Variants in MYH2 observed in about 807,000 individuals in gnomAD.
MYH2 encodes myosin heavy chain 2, also known as myosin-2.
Under a neutral mutation model 228.1 loss-of-function variants are expected in MYH2, and 139 were observed. The observed-to-expected ratio is 0.61, with a 90% CI of 0.53 to 0.70. The LOEUF (loss-of-function observed/expected upper bound fraction) is 0.70, where lower values mean the gene tolerates loss of function less well. Ranked by LOEUF, MYH2 falls within the 30% of genes least tolerant of loss-of-function variation. The pLI, the probability that MYH2 is intolerant of heterozygous loss-of-function variation, is 0.00. For missense variants in MYH2, 1,809 were observed against 2,357.5 expected (o/e 0.77, Z 4.82); for synonymous variants, 796 against 871.1 (o/e 0.91, Z 1.52).
Position 10,540,586 on chromosome 17 carries a change from C to T in MYH2, c.1008+8G>A, listed in dbSNP as rs1177477956. On this transcript the variant is annotated splice_region_variant and intron_variant, in intron 11 of 39. Transcript: ENST00000245503. Reference sequence around the variant, plus strand: ...ATAATAATTCCAATTTTCTTGTGTTCTACTTACATCTGTGGCCATCAGTTC... The same window carrying T: ...ATAATAATTCCAATTTTCTTGTGTTTTACTTACATCTGTGGCCATCAGTTC... 3 of 1,592,344 alleles carry T rather than the reference C, an allele frequency of 1.9e-6. No homozygotes were observed. The highest frequency in any genetic ancestry group is 2.6e-6 in the Non-Finnish European group (3 of 1,160,282).
At position 10,525,825 on chromosome 17, in the gene MYH2, C is replaced by G; in HGVS notation, c.4239G>C (p.Val1413=). ...LQAAEEHVEA[V]NAKCASLEKT... ...TTTCGAGGGAAGCACATTTGGCGTTCACAGCTTCTACATGTTCCTCAGCTG... is the reference window on the plus strand; with the variant it reads ...TTTCGAGGGAAGCACATTTGGCGTTGACAGCTTCTACATGTTCCTCAGCTG... Residue 1413 remains valine (V), a synonymous_variant, in exon 31 of 40, where the codon GTG becomes GTC. Transcript: ENST00000245503. The surrounding 1 kb of genome is among the most constrained non-coding windows in gnomAD (Gnocchi z 4.2). 6.2e-7 allele frequency: 1 copy of G among 1,614,164 alleles called. No individual in the cohort carries two copies. The highest frequency in any genetic ancestry group is 2.2e-5 in the East Asian group (1 of 44,892).
At chr17:10,539,595 G>A (rs368518377) in intron 12 of MYH2, 33 bp from the exon 13 acceptor site, 1 of 1,577,668 alleles carries the variant, frequency 6.3e-7, no homozygotes, top group Admixed American at 1.7e-5. Context: ...CAATGTTATT[G>A]TGGCCCAAAG....
intron 10 of MYH2, among the ~76,000 whole-genome samples, chr17:10,541,482 C>G (rs1200356072): frequency 6.6e-6 from 1 of 152,210 alleles, no homozygotes; most frequent in Non-Finnish European, 1.5e-5. Context: ...CTCTCAAACC[C>G]TGCCTCCTGA....
In MYH2 at chr17:10,527,721, A is replaced by G. The variant is rs763227076; in HGVS notation, c.3871+27T>C. 4 of 1,613,680 alleles carry G rather than the reference A, an allele frequency of 2.5e-6. No homozygotes were observed. In the East Asian group the frequency reaches 8.9e-5, roughly 36 times the overall value. ...TCTTAATCACATCCTCTCCACCCTG[A>G]AGCTGCACAGAAGAGGGGAGAGTTA... On this transcript the variant is annotated intron_variant, in intron 28 of 39. Coordinates refer to ENST00000245503, the MANE Select transcript of MYH2 (RefSeq NM_017534.6).
In MYH2 at chr17:10,537,643, G is replaced by A. The variant is rs762914232; in HGVS notation, c.1587+22C>T. 24 of 1,614,008 alleles carry A rather than the reference G, an allele frequency of 1.5e-5. No individual in the cohort carries two copies. The highest frequency in any genetic ancestry group is 3.3e-4 in the Middle Eastern group (2 of 6,084). ...AATAATATAGTTGCCGCAAAATATG[G>A]TTTCAGAAATGCAAAACCAACCTTC... is the stretch of plus-strand genomic sequence containing the variant. On this transcript the variant is annotated intron_variant, in intron 15 of 39. Coordinates refer to ENST00000245503, the MANE Select transcript of MYH2 (RefSeq NM_017534.6). This position sits in a 1 kb window ranked among gnomAD's most constrained non-coding sequence, Gnocchi z 4.0.
At position 10,525,085 on chromosome 17, in the gene MYH2, G is replaced by A; in HGVS notation, c.4663-20C>T. The A allele has an allele frequency of 6.2e-7, 1 of 1,614,110 alleles. No individual in the cohort carries two copies. Among genetic ancestry groups the A allele is most frequent in the Non-Finnish European group, 8.5e-7 (1 of 1,180,026 alleles). On this transcript the variant is annotated intron_variant, in intron 33 of 39. Coordinates refer to ENST00000245503, the MANE Select transcript of MYH2 (RefSeq NM_017534.6). This position sits in a 1 kb window ranked among gnomAD's most constrained non-coding sequence, Gnocchi z 4.2. ...AGATGCCTTAATGACAGCAAGAGGT[G>A]ACATTAGCAAGGAACCAAAAGCTTT...
chr17:10,547,766 A>G lies in MYH2; in HGVS notation c.155T>C (p.Ile52Thr). The change falls in exon 3 of 40, where the codon ATC becomes ACC. Residue 52 changes from isoleucine to threonine, a missense_variant. Physicochemically the swap from Ile to Thr is moderately conservative, Grantham distance 89. This residue lies in a region of MYH2 where 84 missense variants were observed against 81.8 expected (regional missense o/e 1.03). Coordinates refer to ENST00000245503, the MANE Select transcript of MYH2 (RefSeq NM_017534.6). ...EPKESFVKGT[I>T]QSREGGKVTV... ...CACTTTTCCTCCTTCTCTGCTCTGGATGGTCCCTTTGACAAAGGATTCTTT... is the reference window on the plus strand; with the variant it reads ...CACTTTTCCTCCTTCTCTGCTCTGGGTGGTCCCTTTGACAAAGGATTCTTT... The G allele has an allele frequency of 6.2e-7, 1 of 1,614,184 alleles. No homozygotes were observed. The highest frequency in any genetic ancestry group is 8.5e-7 in the Non-Finnish European group (1 of 1,180,036).
intron 10 of MYH2, among the ~76,000 whole-genome samples, chr17:10,541,056 T>C (rs966227037): frequency 3.3e-5 from 5 of 152,282 alleles, no homozygotes; most frequent in African/African-American, 1.2e-4. Flanking sequence ...GGATGAATGT[T>C]GCCTCAGGAC....
rs2073347023 is a variant in MYH2 at position 10,525,931 on chromosome 17, C to T, written c.4188-55G>A. 1.3e-6 allele frequency: 2 copies of T among 1,566,902 alleles called. No homozygotes were observed. The highest frequency in any genetic ancestry group is 2.2e-5 in the South Asian group (2 of 89,260). The stretch of plus-strand genomic sequence containing the variant: ...AGTGAACCATAATATGAATTATGAG[C>T]TATTGCCACACACGCTGAAGAGTGT... On this transcript the variant is annotated intron_variant, in intron 30 of 39. Transcript: ENST00000245503. The surrounding 1 kb of genome is among the most constrained non-coding windows in gnomAD (Gnocchi z 4.2).
chr17:10,526,279 G>C (rs1202878783), intron 30 of MYH2, among the ~76,000 whole-genome samples: 1 of 152,202 alleles, frequency 6.6e-6, no homozygotes, highest in Non-Finnish European at 1.5e-5. Context: ...TCTGTGGAGA[G>C]GGTATTTCAG....
At chr17:10,528,050 T>TC (rs1447516764) in intron 27 of MYH2, among the ~76,000 whole-genome samples, 176 bp from the exon 28 acceptor site, 1 of 147,992 alleles carries the variant, frequency 6.8e-6, no homozygotes, top group Non-Finnish European at 1.5e-5. Flanking sequence ...TTTCTTTCTT[T>TC]TTTTTTTTTT....
At chr17:10,543,637 A>G (rs2073587002) in intron 8 of MYH2, 74 bp downstream of exon 8, 2 of 1,566,932 alleles carry the variant, frequency 1.3e-6, no homozygotes, top group Admixed American at 1.7e-5. Flanking sequence ...AAAAAGATTC[A>G]GAGAATGTAA....
Position 10,524,638 on chromosome 17 carries a change from C to T in MYH2, c.5003G>A (p.Arg1668Gln), listed in dbSNP as rs143022667. 226 of 1,614,222 alleles carry T rather than the reference C, an allele frequency of 1.4e-4. No individual in the cohort carries two copies. In the African/African-American group the frequency reaches 1.6e-3, roughly 12 times the overall value. The change falls in exon 35 of 40, where the codon CGG (arginine) becomes CAG (glutamine). Residue 1668 changes from arginine to glutamine, a missense_variant. Physicochemically the swap from Arg to Gln is conservative, Grantham distance 43. Coordinates refer to ENST00000245503, the MANE Select transcript of MYH2 (RefSeq NM_017534.6). This position sits in a 1 kb window ranked among gnomAD's most constrained non-coding sequence, Gnocchi z 4.7. ...CTGTTCCTTCAGGTCCTCCTGGCTC[C>T]GGAGAGCATCATCCAGGTGGATCTG... ...DTQIHLDDALRSQEDLKEQLA... is the reference protein window; with the variant it reads ...DTQIHLDDALQSQEDLKEQLA...
chr17:10,527,863 C>T lies in MYH2; in HGVS notation c.3756G>A (p.Glu1252=). 6.2e-7 allele frequency: 1 copy of T among 1,613,524 alleles called. No individual in the cohort carries two copies. The highest frequency in any genetic ancestry group is 8.5e-7 in the Non-Finnish European group (1 of 1,180,006). ...ETVSKAKGNL[E]KMCRTLEDQL... is the part of the protein sequence containing the mutation. ...GGTCCTCTAGAGTCCGGCACATTTT[C>T]TCTAGGTTTCCCTATAGAAGAAAAA... Residue 1252 remains glutamate (E), a synonymous_variant, in exon 28 of 40, where the codon GAG becomes GAA. Coordinates refer to ENST00000245503, the MANE Select transcript of MYH2 (RefSeq NM_017534.6).
At chr17:10,540,814 A>G in intron 10 of MYH2, 117 bp from the exon 11 acceptor site, 1 of 813,212 alleles carries the variant, frequency 1.2e-6, no homozygotes, top group Admixed American at 2.2e-5. Context: ...CCCCAAATAG[A>G]GGGACCGGCT....
chr17:10,529,780 C>A, intron 23 of MYH2, 40 bp from the exon 24 acceptor site: 2 of 1,614,048 alleles, frequency 1.2e-6, no homozygotes, highest in East Asian at 2.2e-5. Context: ...CTATAAAGCA[C>A]CTTTGTTGGG....
Position 10,525,827 on chromosome 17 carries a change from C to A in MYH2, c.4237G>T (p.Val1413Leu). The change falls in exon 31 of 40, where the codon GTG (valine) becomes TTG (leucine). Residue 1413 changes from valine (V) to leucine (L), a missense_variant. Transcript: ENST00000245503. This position sits in a 1 kb window ranked among gnomAD's most constrained non-coding sequence, Gnocchi z 4.2. ...TCGAGGGAAGCACATTTGGCGTTCA[C>A]AGCTTCTACATGTTCCTCAGCTGCC... Reference protein sequence around the residue: ...LQAAEEHVEAVNAKCASLEKT... With the variant: ...LQAAEEHVEALNAKCASLEKT... 1 of 1,614,196 alleles carries A rather than the reference C, an allele frequency of 6.2e-7. No homozygotes were observed. Among genetic ancestry groups the A allele is most frequent in the Non-Finnish European group, 8.5e-7 (1 of 1,180,026 alleles).
At position 10,524,967 on chromosome 17, in the gene MYH2, C is replaced by T. The variant is rs267604717; in HGVS notation, c.4761G>A (p.Glu1587=). The change falls in exon 34 of 40, where the codon GAG becomes GAA. Residue 1587 remains glutamate, a synonymous_variant. Coordinates refer to ENST00000245503, the MANE Select transcript of MYH2 (RefSeq NM_017534.6). This position sits in a 1 kb window ranked among gnomAD's most constrained non-coding sequence, Gnocchi z 4.7. The stretch of plus-strand genomic sequence containing the variant: ...GGTTTCTCTTCAGCTGGTCAATTTC[C>T]TCATCTTTTTCAGCAATTTTCCTAT... ...EVDRKIAEKD[E]EIDQLKRNHI... is the part of the protein sequence containing the mutation. 1 of 1,614,088 alleles carries T rather than the reference C, an allele frequency of 6.2e-7. No individual in the cohort carries two copies. The highest frequency in any genetic ancestry group is 8.5e-7 in the Non-Finnish European group (1 of 1,180,036).
chr17:10,545,239 A>G, intron 5 of MYH2, 107 bp downstream of exon 5: 2 of 1,599,608 alleles, frequency 1.3e-6, no homozygotes, highest in South Asian at 2.2e-5. Flanking sequence ...ACCAGCCTCA[A>G]CTAAAAGGGA....
Sources: gnomAD v4.1 joint callset for allele counts (sites outside exome capture counted in the v4.1 genomes callset) on GRCh38, gnomAD v4.1.1 for gene constraint, gnomAD v4.1.1 regional missense constraint, Gnocchi (gnomAD v3.1) non-coding constraint, MANE v1.5 for transcripts, NCBI Gene and HGNC (gene_info 2026-07-23, HGNC 2026-07-21) for gene names.